Variants in CDH13 observed in about 807,000 individuals in gnomAD.
CDH13 encodes the protein cadherin 13, also known as cadherin-13.
A neutral mutation model predicts 63.8 loss-of-function variants in CDH13; 24 were observed. The observed-to-expected ratio is 0.38, with a 90% CI of 0.27 to 0.53. The LOEUF is 0.53. Among genes scored for constraint, CDH13 ranks in the 20% least tolerant of loss-of-function variants. The pLI, the probability that CDH13 is intolerant of heterozygous loss-of-function variation, is 0.85. For synonymous variants in CDH13, 503 were observed against 355.3 expected, an observed-to-expected ratio of 1.42 and a Z score of -4.67; for missense variants, 1,049 against 903.1, an observed-to-expected ratio of 1.16 and a Z score of -2.07.
chr16:83,657,540 C>T (rs934071113), intron 8 of CDH13, among the ~76,000 whole-genome samples: 4 of 152,174 alleles, frequency 2.6e-5, no homozygotes, highest in Admixed American at 6.5e-5. Flanking sequence ...TGTTCCTTGA[C>T]AATCATTTTC....
intron 6 of CDH13, among the ~76,000 whole-genome samples, chr16:83,357,760 A>G (rs553639906): frequency 2.0e-5 from 3 of 152,320 alleles, no homozygotes; most frequent in African/African-American, 7.2e-5. Flanking sequence ...GAAAATGTGG[A>G]GTTTTAGTTA....
chr16:82,881,973 G>C (rs1388010163), intron 2 of CDH13, among the ~76,000 whole-genome samples: 1 of 152,078 alleles, frequency 6.6e-6, no homozygotes, highest in Non-Finnish European at 1.5e-5. Context: ...CAAGAACTCT[G>C]TCTTTCAAGT....
chr16:82,791,464 C>T lies in CDH13; in HGVS notation c.46-66898C>T, dbSNP rs150327066. ...TGATCGGGATATAAACCCAGGCATT[C>T]GAGCAGGGTGTGGTAACCCCCTTTG... On this transcript the variant is annotated intron_variant, in intron 1 of 13. Coordinates refer to ENST00000567109, the MANE Select transcript of CDH13 (RefSeq NM_001257.5). Among the ~76,000 whole-genome samples the T allele has an allele frequency of 3.0e-3, 463 of 152,314 alleles. 1 individual carries two copies. Among genetic ancestry groups the T allele is most frequent in the African/African-American group, 9.9e-3 (413 of 41,574 alleles).
intron 8 of CDH13, among the ~76,000 whole-genome samples, chr16:83,607,651 T>C (rs1339305752): frequency 6.6e-6 from 1 of 152,234 alleles, no homozygotes; most frequent in Non-Finnish European, 1.5e-5. Flanking sequence ...CGCTGATACA[T>C]GAAATCAATT....
At chr16:82,924,077 G>T (rs1205729494) in intron 2 of CDH13, among the ~76,000 whole-genome samples, 1 of 152,172 alleles carries the variant, frequency 6.6e-6, no homozygotes, top group East Asian at 1.9e-4. Flanking sequence ...CAAAGTTGAT[G>T]GAGATTACCC....
At chr16:83,283,809 A>T (rs2089242594) in intron 5 of CDH13, among the ~76,000 whole-genome samples, 1 of 152,140 alleles carries the variant, frequency 6.6e-6, no homozygotes, top group African/African-American at 2.4e-5. Context: ...TGGTCTTAGA[A>T]TAGCCTTTTT....
intron 5 of CDH13, among the ~76,000 whole-genome samples, chr16:83,262,264 T>G (rs7188467): frequency 1.1e-4 from 16 of 152,196 alleles, no homozygotes; most frequent in African/African-American, 2.9e-4. Flanking sequence ...CATGGGGTAA[T>G]GGGCCTCCAT....
At chr16:83,240,062 C>G (rs1318105718) in intron 5 of CDH13, among the ~76,000 whole-genome samples, 2 of 152,178 alleles carry the variant, frequency 1.3e-5, no homozygotes, top group Non-Finnish European at 2.9e-5. Flanking sequence ...AGGTTGGGTG[C>G]AGGGGAACTG....
At chr16:82,810,434 C>T (rs959857855) in intron 1 of CDH13, among the ~76,000 whole-genome samples, 1 of 152,142 alleles carries the variant, frequency 6.6e-6, no homozygotes, top group Non-Finnish European at 1.5e-5. Context: ...GAACTTTAAT[C>T]GTCTCCTCAA....
intron 6 of CDH13, among the ~76,000 whole-genome samples, chr16:83,414,615 T>C (rs1444079262): frequency 3.3e-5 from 5 of 152,152 alleles, no homozygotes; most frequent in Admixed American, 1.3e-4. Flanking sequence ...ATTCAGTCTT[T>C]GGTTTGGGTT....
At chr16:83,440,366 C>T (rs916664117) in intron 6 of CDH13, among the ~76,000 whole-genome samples, 4 of 152,138 alleles carry the variant, frequency 2.6e-5, no homozygotes, top group African/African-American at 9.7e-5. Flanking sequence ...GAGTGGAGAG[C>T]TCCAAGTGGG....
At chr16:82,820,338 G>A (rs964973749) in intron 1 of CDH13, among the ~76,000 whole-genome samples, 1 of 152,152 alleles carries the variant, frequency 6.6e-6, no homozygotes, top group Non-Finnish European at 1.5e-5. Context: ...GTGGTGCCCT[G>A]GTAATGCCTC....
At chr16:83,200,921 ATGTGTGTGTGTGTGTGTGTG>A (rs374017580) in intron 4 of CDH13, among the ~76,000 whole-genome samples, 97 of 129,752 alleles carry the variant, frequency 7.5e-4, no homozygotes, top group African/African-American at 2.0e-3. Context: ...AGTCTTAAAA[ATGTGTGTGTGTGTGTGTGTG>A]TGTGTGTGTG....
intron 3 of CDH13, among the ~76,000 whole-genome samples, chr16:83,090,220 C>A (rs942994862): frequency 6.6e-6 from 1 of 152,142 alleles, no homozygotes; most frequent in Non-Finnish European, 1.5e-5. Context: ...GCCTCCAGCC[C>A]AGTCTACAGC....
chr16:83,039,621 C>T (rs769160311), intron 3 of CDH13, among the ~76,000 whole-genome samples: 8 of 152,168 alleles, frequency 5.3e-5, no homozygotes, highest in Non-Finnish European at 1.2e-4. Context: ...TTCCCTTCTT[C>T]CTTCCTGTGT....
chr16:83,390,720 C>T (rs558415522), intron 6 of CDH13, among the ~76,000 whole-genome samples: 7 of 152,294 alleles, frequency 4.6e-5, no homozygotes, highest in East Asian at 1.9e-4. Flanking sequence ...ACTCAATTCA[C>T]GGTGCTCAGT....
intron 4 of CDH13, among the ~76,000 whole-genome samples, chr16:83,168,378 T>C (rs769148943): frequency 6.6e-6 from 1 of 151,942 alleles, no homozygotes; most frequent in African/African-American, 2.4e-5. Flanking sequence ...TGTATATATA[T>C]ACACACACAT....
chr16:83,626,047 G>A (rs376637343), intron 8 of CDH13, among the ~76,000 whole-genome samples: 80 of 144,942 alleles, frequency 5.5e-4, no homozygotes, highest in African/African-American at 1.9e-3. Flanking sequence ...GTCTCACTCT[G>A]TTGCCCAGGC....
intron 5 of CDH13, among the ~76,000 whole-genome samples, chr16:83,321,556 TCTCA>T (rs1397471336): frequency 3.6e-5 from 4 of 109,704 alleles, no homozygotes; most frequent in Non-Finnish European, 6.8e-5. Flanking sequence ...TGAGACGGAG[TCTCA>T]CTCTGTCGCC....
Sources: gnomAD v4.1 joint callset for allele counts (sites outside exome capture counted in the v4.1 genomes callset) on GRCh38, gnomAD v4.1.1 for gene constraint, MANE v1.5 for transcripts, NCBI Gene and HGNC (gene_info 2026-07-23, HGNC 2026-07-21) for gene names.